The following CHST11 variants were observed in gnomAD, a reference collection of about 807,000 sequenced individuals.
The protein encoded by CHST11 is C4S-1.
Under a neutral mutation model 30.4 loss-of-function variants are expected in CHST11, and 9 were observed. The ratio of observed to expected loss-of-function variants is 0.30; its 90% CI spans 0.18 to 0.52. The LOEUF is 0.52. CHST11 is among the 20% of genes least tolerant of loss of function. The probability of loss-of-function intolerance (pLI) is 0.97; values close to 1 mark genes in which losing one functional copy is unlikely to be tolerated. For synonymous variants in CHST11, 152 were observed against 187.8 expected, an observed-to-expected ratio of 0.81 and a Z score of 1.56; for missense variants, 348 against 460.6, an observed-to-expected ratio of 0.76 and a Z score of 2.24.
At chr12:104,512,648 C>G (rs1480897988) in intron 1 of CHST11, among the ~76,000 whole-genome samples, 2 of 152,062 alleles carry the variant, frequency 1.3e-5, no homozygotes, top group African/African-American at 4.8e-5. Flanking sequence ...GGGAGTTTCT[C>G]CAGAAAAGGA....
chr12:104,747,831 C>T (rs1387378199), intron 2 of CHST11, among the ~76,000 whole-genome samples: 1 of 152,072 alleles, frequency 6.6e-6, no homozygotes, highest in Non-Finnish European at 1.5e-5. Flanking sequence ...TCAAAGGGGG[C>T]GACCTCTCTT....
intron 1 of CHST11, among the ~76,000 whole-genome samples, chr12:104,505,339 C>G (rs576023991): frequency 6.6e-6 from 1 of 152,136 alleles, no homozygotes; most frequent in Non-Finnish European, 1.5e-5. Context: ...CCCACACCCC[C>G]CCAGCAGAGA....
intron 2 of CHST11, among the ~76,000 whole-genome samples, chr12:104,635,233 G>A (rs2068883787): frequency 1.3e-5 from 2 of 152,170 alleles, no homozygotes; most frequent in African/African-American, 4.8e-5. Context: ...CCATGTCCAA[G>A]CTTTGTATGT....
chr12:104,643,118 G>A (rs2136076069), intron 2 of CHST11, among the ~76,000 whole-genome samples: 1 of 151,900 alleles, frequency 6.6e-6, no homozygotes, highest in South Asian at 2.1e-4. Flanking sequence ...GAGGCTGGGA[G>A]TTCAAGACTA....
chr12:104,599,504 C>T (rs1388752689), intron 1 of CHST11, among the ~76,000 whole-genome samples: 1 of 152,184 alleles, frequency 6.6e-6, no homozygotes, highest in Non-Finnish European at 1.5e-5. Context: ...GCACCAAGGG[C>T]AACTTGCGTG....
chr12:104,575,145 A>G (rs1042289982), intron 1 of CHST11, among the ~76,000 whole-genome samples: 1 of 152,006 alleles, frequency 6.6e-6, no homozygotes, highest in Non-Finnish European at 1.5e-5. Context: ...GTGAGCCGAG[A>G]CTGTGCCACT....
chr12:104,709,279 C>T (rs924517115), intron 2 of CHST11, among the ~76,000 whole-genome samples: 4 of 152,206 alleles, frequency 2.6e-5, no homozygotes, highest in Non-Finnish European at 5.9e-5. Context: ...CGCTCCAGGG[C>T]CTTCTCTCTC....
intron 2 of CHST11, among the ~76,000 whole-genome samples, chr12:104,654,365 G>A (rs867861900): frequency 1.8e-4 from 27 of 152,156 alleles, no homozygotes; most frequent in African/African-American, 3.4e-4. Context: ...GGCTGAGAGC[G>A]TGAGAAGCTG....
At chr12:104,752,741 G>C (rs1030665122) in intron 2 of CHST11, among the ~76,000 whole-genome samples, 6 of 152,232 alleles carry the variant, frequency 3.9e-5, no homozygotes, top group East Asian at 3.9e-4. Flanking sequence ...GTTGGCCAGG[G>C]TGGTCTCACA....
At chr12:104,475,469 G>A (rs1246419991) in intron 1 of CHST11, among the ~76,000 whole-genome samples, 1 of 151,554 alleles carries the variant, frequency 6.6e-6, no homozygotes, top group East Asian at 1.9e-4. Context: ...TTGTTGAATG[G>A]CTACTGTTTG....
rs1329609509 is a variant in CHST11, at chr12:104,457,244, C to T, written c.-168C>T. The T allele has an allele frequency of 6.9e-6, 4 of 581,356 alleles. No homozygotes were observed. Among genetic ancestry groups the T allele is most frequent in the East Asian group, 2.8e-5 (1 of 35,334 alleles). The allele number at this position is 581,356 out of a possible 1,614,324, so 36.0% of individuals were successfully genotyped here. On this transcript the variant is annotated 5_prime_UTR_variant, in exon 1 of 3. Transcript: ENST00000303694. ...CTCCGGCACCTTCCACACCCCTGCCCGGGCTGGGGGCTCCGAGAGCGGCCG... is the reference window on the plus strand; with the variant it reads ...CTCCGGCACCTTCCACACCCCTGCCTGGGCTGGGGGCTCCGAGAGCGGCCG...
At position 104,457,400 on chromosome 12, in the gene CHST11, C is replaced by T. The variant is rs756720165; in HGVS notation, c.-12C>T. 6.2e-7 allele frequency: 1 copy of T among 1,604,968 alleles called. No individual in the cohort carries two copies. The highest frequency in any genetic ancestry group is 8.5e-7 in the Non-Finnish European group (1 of 1,172,192). Reference sequence around the variant, plus strand: ...TCCCGGACACCCCGGTCCCCGCAGCCAGGACAAAGCCATGAAGCCAGCGCT... The same window carrying T: ...TCCCGGACACCCCGGTCCCCGCAGCTAGGACAAAGCCATGAAGCCAGCGCT... On this transcript the variant is annotated 5_prime_UTR_variant, in exon 1 of 3. Coordinates refer to ENST00000303694, the MANE Select transcript of CHST11 (RefSeq NM_018413.6).
chr12:104,626,918 C>G (rs903131668), intron 2 of CHST11, among the ~76,000 whole-genome samples: 1 of 152,132 alleles, frequency 6.6e-6, no homozygotes, highest in African/African-American at 2.4e-5. Context: ...GTATATTCTA[C>G]AGGTTTGGAC....
At chr12:104,491,210 C>T (rs1440170746) in intron 1 of CHST11, among the ~76,000 whole-genome samples, 1 of 152,178 alleles carries the variant, frequency 6.6e-6, no homozygotes, top group Non-Finnish European at 1.5e-5. Context: ...CAGACATCTC[C>T]CTTCATCACC....
chr12:104,645,364 T>C (rs2039417447), intron 2 of CHST11, among the ~76,000 whole-genome samples: 1 of 152,120 alleles, frequency 6.6e-6, no homozygotes, highest in Non-Finnish European at 1.5e-5. Context: ...ACCATACAGG[T>C]GAGGAAACTG....
At chr12:104,682,342 T>G (rs1478974701) in intron 2 of CHST11, among the ~76,000 whole-genome samples, 1 of 152,116 alleles carries the variant, frequency 6.6e-6, no homozygotes, top group Non-Finnish European at 1.5e-5. Flanking sequence ...GGAATAAAAG[T>G]GTTCATCTGT....
chr12:104,652,311 T>C (rs2039497763), intron 2 of CHST11, among the ~76,000 whole-genome samples: 1 of 152,210 alleles, frequency 6.6e-6, no homozygotes, highest in Non-Finnish European at 1.5e-5. Flanking sequence ...AGCGGGATAA[T>C]TGATCTAATT....
intron 1 of CHST11, among the ~76,000 whole-genome samples, chr12:104,601,041 C>G (rs1212634796): frequency 6.6e-6 from 1 of 150,390 alleles, no homozygotes; most frequent in Non-Finnish European, 1.5e-5. Flanking sequence ...CCTTCTCTCC[C>G]TCTCTACTGC....
At chr12:104,531,419 G>A (rs1256012629) in intron 1 of CHST11, among the ~76,000 whole-genome samples, 2 of 150,222 alleles carry the variant, frequency 1.3e-5, no homozygotes, top group African/African-American at 5.0e-5. Flanking sequence ...AGGAGGTTGA[G>A]GCTGCAGTGA....
Sources: allele counts gnomAD v4.1 joint callset (sites outside exome capture counted in the v4.1 genomes callset), GRCh38; gene constraint gnomAD v4.1.1; transcripts MANE v1.5; gene names NCBI Gene and HGNC (gene_info 2026-07-23, HGNC 2026-07-21).